Variants in LRP5 observed in about 807,000 individuals in gnomAD.
LRP5 encodes LDL receptor related protein 5.
LRP5 carries 62 observed loss-of-function variants against 154.1 expected under a neutral mutation model. The observed-to-expected ratio is 0.40, with a 90% CI of 0.33 to 0.50. The LOEUF (loss-of-function observed/expected upper bound fraction) is 0.50. Among genes scored for constraint, LRP5 ranks in the 20% least tolerant of loss-of-function variants. The probability of loss-of-function intolerance (pLI) is 0.55; values close to 1 mark genes in which losing one functional copy is unlikely to be tolerated. For missense variants in LRP5, 1,915 were observed against 2,336.7 expected, an observed-to-expected ratio of 0.82 and a Z score of 3.72; for synonymous variants, 966 against 1,011.5, an observed-to-expected ratio of 0.96 and a Z score of 0.85.
chr11:68,429,509 T>G, intron 16 of LRP5, 66 bp from the exon 17 acceptor site: 1 of 1,609,214 alleles, frequency 6.2e-7, no homozygotes, highest in Non-Finnish European at 8.5e-7. Flanking sequence ...GCCCCTACCC[T>G]CCAGGCTGTG....
chr11:68,397,972 T>TTATGTGTGTGTGTGTG (rs140344378), intron 7 of LRP5, among the ~76,000 whole-genome samples: 8 of 142,092 alleles, frequency 5.6e-5, no homozygotes, highest in Admixed American at 3.5e-4. Context: ...CTGTGTGTGT[T>TTATGTGTGTGTGTGTG]TGTGTGTGTG....
chr11:68,438,172 C>G (rs531129216), intron 19 of LRP5, among the ~76,000 whole-genome samples: 1 of 152,270 alleles, frequency 6.6e-6, no homozygotes, highest in African/African-American at 2.4e-5. Context: ...GGAGTGAATA[C>G]CAGGCTGCCT....
At chr11:68,392,027 G>C (rs370769494) in intron 7 of LRP5, among the ~76,000 whole-genome samples, 1 of 152,030 alleles carries the variant, frequency 6.6e-6, no homozygotes, top group African/African-American at 2.4e-5. Context: ...TATTTTTTGT[G>C]GGGGGAGATG....
chr11:68,302,643 C>T, the LRP5 span, among the ~76,000 whole-genome samples: 1 of 152,172 alleles, frequency 6.6e-6, no homozygotes, highest in South Asian at 2.1e-4. Flanking sequence ...GAGAGAGAGG[C>T]TTGGGGACTT....
rs886042990 is a variant in LRP5 at position 68,312,824 on chromosome 11, G to A, written c.91+19G>A. On this transcript the variant is annotated intron_variant, in intron 1 of 22. Coordinates refer to ENST00000294304, the MANE Select transcript of LRP5 (RefSeq NM_002335.4). ...GCCGCGGGTAGGTGGGCGCAGGCCG[G>A]CCGGGGGCCGCGGGTTGCTCGGACA... The A allele has an allele frequency of 9.7e-7, 1 of 1,028,586 alleles. No individual in the cohort carries two copies. The highest frequency in any genetic ancestry group is 4.1e-5 in the South Asian group (1 of 24,664). The allele number at this position is 1,028,586 out of a possible 1,614,324, so 63.7% of individuals were successfully genotyped here. A position where few individuals can be genotyped will look rare whatever the true frequency, so the allele number is the denominator to read the frequency against.
At chr11:68,393,941 G>A (rs1228440567) in intron 7 of LRP5, among the ~76,000 whole-genome samples, 1 of 152,088 alleles carries the variant, frequency 6.6e-6, no homozygotes, top group Admixed American at 6.6e-5. Flanking sequence ...GAGATACGTC[G>A]CACAGTCCCC....
intron 5 of LRP5, among the ~76,000 whole-genome samples, chr11:68,373,492 G>A (rs1031480377): frequency 3.3e-5 from 5 of 152,018 alleles, no homozygotes; most frequent in South Asian, 2.1e-4. Context: ...TGGCTCCCCC[G>A]CCCCTCCTGA....
chr11:68,399,226 T>C (rs143218756), intron 7 of LRP5, among the ~76,000 whole-genome samples: 63 of 151,672 alleles, frequency 4.2e-4, no homozygotes, highest in African/African-American at 1.5e-3. Context: ...TTAAAAAGTA[T>C]TGGGTGTGGT....
At chr11:68,410,208 G>C in intron 10 of LRP5, 68 bp downstream of exon 10, 2 of 1,292,730 alleles carry the variant, frequency 1.5e-6, no homozygotes, top group South Asian at 2.5e-5. Flanking sequence ...GGTGCCAACT[G>C]GGCAAGGTGG....
chr11:68,405,857 G>A (rs1260176098), intron 8 of LRP5, among the ~76,000 whole-genome samples: 1 of 152,220 alleles, frequency 6.6e-6, no homozygotes, highest in African/African-American at 2.4e-5. Flanking sequence ...TCTGTGAATC[G>A]GAGGAAGGGC....
chr11:68,336,201 G>A (rs2098605596), intron 1 of LRP5, among the ~76,000 whole-genome samples: 1 of 152,176 alleles, frequency 6.6e-6, no homozygotes, highest in Non-Finnish European at 1.5e-5. Context: ...AGCCGAGCAT[G>A]GGGCATCTTA....
intron 3 of LRP5, among the ~76,000 whole-genome samples, chr11:68,362,638 C>T (rs1294432622): frequency 6.6e-6 from 1 of 151,008 alleles, no homozygotes; most frequent in Non-Finnish European, 1.5e-5. Context: ...TTGCAGTGAG[C>T]TGAGATCACA....
intron 21 of LRP5, 29 bp downstream of exon 21, chr11:68,439,945 G>T (rs1447234741): frequency 1.3e-6 from 2 of 1,495,710 alleles, no homozygotes. Flanking sequence ...GAGGGGCGGG[G>T]CGGGATGGGG....
At chr11:68,415,161 G>A (rs2098661824) in intron 12 of LRP5, among the ~76,000 whole-genome samples, 1 of 152,224 alleles carries the variant, frequency 6.6e-6, no homozygotes, top group Admixed American at 6.5e-5. Context: ...GCCAACGGAT[G>A]TTCTGGTTCT....
chr11:68,401,237 C>T (rs1001807557), intron 7 of LRP5, among the ~76,000 whole-genome samples: 7 of 152,110 alleles, frequency 4.6e-5, no homozygotes, highest in South Asian at 2.1e-4. Context: ...CTTTGCGTGT[C>T]TTCCTGTTGT....
At chr11:68,392,735 G>A (rs972728015) in intron 7 of LRP5, among the ~76,000 whole-genome samples, 1 of 152,052 alleles carries the variant, frequency 6.6e-6, no homozygotes. Context: ...TGGACGTTTT[G>A]TGTGACTGGA....
intron 21 of LRP5, among the ~76,000 whole-genome samples, chr11:68,440,390 C>T (rs942893289): frequency 6.6e-6 from 1 of 152,188 alleles, no homozygotes; most frequent in Non-Finnish European, 1.5e-5. Context: ...AAAATACTCC[C>T]TGGAGCTTTT....
chr11:68,435,281 G>T (rs2098674249), intron 18 of LRP5, among the ~76,000 whole-genome samples: 1 of 152,140 alleles, frequency 6.6e-6, no homozygotes, highest in African/African-American at 2.4e-5. Flanking sequence ...TCCCTGTGTT[G>T]GTCCATTTTG....
intron 18 of LRP5, among the ~76,000 whole-genome samples, chr11:68,436,062 G>A (rs1041946619): frequency 6.6e-6 from 1 of 152,214 alleles, no homozygotes; most frequent in African/African-American, 2.4e-5. Flanking sequence ...AGGGGCAGAC[G>A]TTGGAGCCAT....
Sources: gnomAD v4.1 joint callset for allele counts (sites outside exome capture counted in the v4.1 genomes callset) on GRCh38, gnomAD v4.1.1 for gene constraint, MANE v1.5 for transcripts, NCBI Gene and HGNC (gene_info 2026-07-23, HGNC 2026-07-21) for gene names.